Variants in EPHB1 observed in about 807,000 individuals in gnomAD.
The protein encoded by EPHB1 is EPH receptor B1.
In EPHB1, 30 loss-of-function variants were observed where a neutral mutation model predicts 94.4. That is an observed-to-expected ratio of 0.32 (90% confidence interval 0.24 to 0.43). The LOEUF is 0.43. Among genes scored for constraint, EPHB1 ranks in the 20% least tolerant of loss-of-function variants. The pLI, the probability that EPHB1 is intolerant of heterozygous loss-of-function variation, is 1.00. For missense variants in EPHB1, 1,055 were observed against 1,308.3 expected, an observed-to-expected ratio of 0.81 and a Z score of 2.99; for synonymous variants, 522 against 489.1, an observed-to-expected ratio of 1.07 and a Z score of -0.89.
intron 3 of EPHB1, among the ~76,000 whole-genome samples, chr3:135,085,793 T>G (rs935023451): frequency 6.6e-6 from 1 of 152,216 alleles, no homozygotes; most frequent in African/African-American, 2.4e-5. Flanking sequence ...TATTAACACC[T>G]CCTTCTGTCT....
At chr3:135,155,545 T>C (rs934551358) in intron 6 of EPHB1, among the ~76,000 whole-genome samples, 15 of 152,074 alleles carry the variant, frequency 9.9e-5, no homozygotes, top group African/African-American at 3.6e-4. Flanking sequence ...GGCTCACACC[T>C]GCAATCCTAG....
chr3:134,822,107 G>A (rs77201939), intron 1 of EPHB1, among the ~76,000 whole-genome samples: 5,255 of 152,276 alleles, frequency 0.035, 285 homozygotes, highest in African/African-American at 0.12. Flanking sequence ...CTAATGCTGG[G>A]GATGTGTTCC....
In EPHB1 at chr3:135,259,142, GGA is replaced by G. The variant is rs777476356; in HGVS notation, c.*26_*27del. On this transcript the variant is annotated 3_prime_UTR_variant, in exon 16 of 16. Coordinates refer to ENST00000398015, the MANE Select transcript of EPHB1 (RefSeq NM_004441.5). ...ATGAGAACTCTTGTTTCTTGGGGAA[GGA>G]GAGGAGGGAAAAGGACCAGGGTCAA... The G allele has an allele frequency of 6.3e-7, 1 of 1,576,056 alleles. No homozygotes were observed. Among genetic ancestry groups the G allele is most frequent in the Admixed American group, 1.8e-5 (1 of 55,980 alleles).
chr3:134,967,953 C>T (rs1933827004), intron 3 of EPHB1, among the ~76,000 whole-genome samples: 2 of 152,170 alleles, frequency 1.3e-5, no homozygotes, highest in South Asian at 2.1e-4. Flanking sequence ...GGTGTGTTTC[C>T]CTGAACCCTC....
chr3:135,210,373 G>A (rs1943004703), intron 12 of EPHB1, among the ~76,000 whole-genome samples: 1 of 152,162 alleles, frequency 6.6e-6, no homozygotes, highest in African/African-American at 2.4e-5. Flanking sequence ...TGTGGGTTTG[G>A]GGCATAGAGG....
rs1216156490 is a variant in EPHB1 at position 134,795,581 on chromosome 3, C to T, written c.-51C>T. ...GCGGCGCCCTGGGACGCGGCGCTCT[C>T]CCGGCGCTGCTGCCTCGGCTTGGTC... On this transcript the variant is annotated 5_prime_UTR_variant, in exon 1 of 16. Coordinates refer to ENST00000398015, the MANE Select transcript of EPHB1 (RefSeq NM_004441.5). 2.5e-6 allele frequency: 4 copies of T among 1,583,252 alleles called. No homozygotes were observed. Among genetic ancestry groups the T allele is most frequent in the South Asian group, 2.2e-5 (2 of 89,410 alleles).
chr3:134,840,642 T>C (rs1378030722), intron 1 of EPHB1: 1 of 152,204 alleles, frequency 6.6e-6, no homozygotes, highest in Non-Finnish European at 1.5e-5. Context: ...AGCACCCACT[T>C]CATAAGAAAG....
chr3:135,159,938 C>G (rs1184489853), intron 6 of EPHB1, among the ~76,000 whole-genome samples: 1 of 152,200 alleles, frequency 6.6e-6, no homozygotes, highest in African/African-American at 2.4e-5. Flanking sequence ...TCTCCACATT[C>G]ATCCATGTGG....
intron 9 of EPHB1, among the ~76,000 whole-genome samples, chr3:135,170,009 CTA>C (rs1315764485): frequency 6.6e-6 from 1 of 152,232 alleles, no homozygotes; most frequent in Non-Finnish European, 1.5e-5. Flanking sequence ...GTGCACATAA[CTA>C]TATCTGGACC....
At chr3:135,076,361 TA>T (rs1300386682) in intron 3 of EPHB1, among the ~76,000 whole-genome samples, 1 of 151,870 alleles carries the variant, frequency 6.6e-6, no homozygotes, top group Non-Finnish European at 1.5e-5. Flanking sequence ...ATGATTTTTA[TA>T]CACATGAAAA....
intron 1 of EPHB1, among the ~76,000 whole-genome samples, chr3:134,904,609 A>C (rs1278954466): frequency 1.3e-5 from 2 of 152,188 alleles, no homozygotes; most frequent in African/African-American, 4.8e-5. Flanking sequence ...AAAAGTTCAT[A>C]GCTGGGAGAA....
intron 12 of EPHB1, among the ~76,000 whole-genome samples, chr3:135,214,938 G>A (rs987086175): frequency 6.6e-6 from 1 of 152,174 alleles, no homozygotes; most frequent in African/African-American, 2.4e-5. Flanking sequence ...ATCACACTAT[G>A]CTTTATGAAC....
intron 10 of EPHB1, among the ~76,000 whole-genome samples, chr3:135,187,447 C>T (rs756057180): frequency 2.6e-5 from 4 of 152,080 alleles, no homozygotes; most frequent in Admixed American, 6.6e-5. Flanking sequence ...GATGGCGAAT[C>T]GAAGTACCAC....
At chr3:135,104,579 G>A (rs1243925246) in intron 3 of EPHB1, among the ~76,000 whole-genome samples, 2 of 152,214 alleles carry the variant, frequency 1.3e-5, no homozygotes, top group African/African-American at 2.4e-5. Flanking sequence ...CCCAGGGGAT[G>A]CTCTGCAAAG....
intron 12 of EPHB1, among the ~76,000 whole-genome samples, chr3:135,234,668 T>C (rs566278346): frequency 6.6e-6 from 1 of 152,306 alleles, no homozygotes; most frequent in East Asian, 1.9e-4. Flanking sequence ...TGAGGAGACC[T>C]CAGGAAACTT....
intron 3 of EPHB1, among the ~76,000 whole-genome samples, chr3:135,083,054 C>T (rs1187090782): frequency 6.6e-6 from 1 of 152,170 alleles, no homozygotes; most frequent in Non-Finnish European, 1.5e-5. Context: ...GCCAGAAAGC[C>T]ATGTCCAGCT....
intron 1 of EPHB1, among the ~76,000 whole-genome samples, chr3:134,842,122 A>G (rs1471123257): frequency 6.6e-6 from 1 of 152,176 alleles, no homozygotes; most frequent in Non-Finnish European, 1.5e-5. Flanking sequence ...GAATGGGATT[A>G]GTACCTTATA....
At chr3:135,065,475 A>C (rs1937569423) in intron 3 of EPHB1, among the ~76,000 whole-genome samples, 1 of 151,946 alleles carries the variant, frequency 6.6e-6, no homozygotes, top group Non-Finnish European at 1.5e-5. Flanking sequence ...TTGTCTTTTT[A>C]AAGTTTGTTT....
intron 1 of EPHB1, among the ~76,000 whole-genome samples, chr3:134,824,861 T>G (rs908129110): frequency 9.2e-5 from 14 of 152,150 alleles, no homozygotes; most frequent in African/African-American, 1.7e-4. Context: ...CAGCACCAAC[T>G]GCCAGCCATG....
Sources: allele counts gnomAD v4.1 joint callset (sites outside exome capture counted in the v4.1 genomes callset), GRCh38; gene constraint gnomAD v4.1.1; transcripts MANE v1.5; gene names NCBI Gene and HGNC (gene_info 2026-07-23, HGNC 2026-07-21).